The following SFI1 variants were observed in gnomAD, a reference collection of about 807,000 sequenced individuals.
The protein encoded by SFI1 is SFI1 centrin binding protein.
A neutral mutation model predicts 207.5 loss-of-function variants in SFI1; 195 were observed. The ratio of observed to expected loss-of-function variants is 0.94; its 90% CI spans 0.84 to 1.06. The LOEUF is 1.06. Among genes scored for constraint, SFI1 ranks in the 50% least tolerant of loss-of-function variants. The pLI is 0.00. For missense variants in SFI1, 1,634 were observed against 1,588.0 expected, an observed-to-expected ratio of 1.03 and a Z score of -0.49; for synonymous variants, 630 against 598.9, an observed-to-expected ratio of 1.05 and a Z score of -0.76.
intron 14 of SFI1, 151 bp from the exon 15 acceptor site, chr22:31,589,296 C>A: frequency 2.5e-6 from 2 of 806,848 alleles, no homozygotes; most frequent in Non-Finnish European, 3.6e-6. Context: ...CATTTTTCAC[C>A]TAGCATATTG....
At chr22:31,579,557 C>T (rs547846652) in intron 11 of SFI1, among the ~76,000 whole-genome samples, 6 of 152,218 alleles carry the variant, frequency 3.9e-5, no homozygotes, top group South Asian at 4.1e-4. Flanking sequence ...CCTCGTGATC[C>T]GCCCGCCTCG....
intron 6 of SFI1, among the ~76,000 whole-genome samples, chr22:31,554,668 G>T (rs574511089): frequency 2.0e-5 from 3 of 149,156 alleles, no homozygotes; most frequent in East Asian, 2.0e-4. Context: ...GCAGAGTGGC[G>T]TGATCTCGGC....
chr22:31,530,969 C>G, intron 3 of SFI1, 89 bp from the exon 4 acceptor site: 4 of 1,101,844 alleles, frequency 3.6e-6, no homozygotes, highest in Non-Finnish European at 5.4e-6. Flanking sequence ...CTGCTGAGAC[C>G]TTAAAGGCTT....
At chr22:31,570,678 G>A (rs987670110) in intron 8 of SFI1, among the ~76,000 whole-genome samples, 4 of 152,120 alleles carry the variant, frequency 2.6e-5, no homozygotes, top group Admixed American at 2.6e-4. Flanking sequence ...GAGGCGGGAG[G>A]ATTGCTTGAG....
At position 31,572,271 on chromosome 22, in the gene SFI1, G is replaced by C. The variant is rs149689137; in HGVS notation, c.766-787G>C. ...GCTGAAGAAAAGATATGAAGTCTTT[G>C]TCTAAGTCGTCTTCAGATTAGGACA... On this transcript the variant is annotated intron_variant, in intron 8 of 32. Coordinates refer to ENST00000400288, the MANE Select transcript of SFI1 (RefSeq NM_001007467.3). 3.9e-3 allele frequency among the ~76,000 whole-genome samples: 595 copies of C among 152,272 alleles called. 2 individuals are homozygous for C. The highest frequency in any genetic ancestry group is 0.013 in the African/African-American group (549 of 41,564).
At chr22:31,562,682 G>A (rs2061840564) in intron 8 of SFI1, among the ~76,000 whole-genome samples, 1 of 151,850 alleles carries the variant, frequency 6.6e-6, no homozygotes, top group South Asian at 2.1e-4. Flanking sequence ...CACCCAGGCT[G>A]GAGTGGAGTG....
chr22:31,593,854 G>A (rs1206842315), intron 15 of SFI1, among the ~76,000 whole-genome samples: 2 of 148,086 alleles, frequency 1.4e-5, no homozygotes, highest in Non-Finnish European at 3.0e-5. Flanking sequence ...GCGTGGCGGC[G>A]CGTGCCTGCA....
At chr22:31,516,912 C>T (rs551223716) in intron 2 of SFI1, among the ~76,000 whole-genome samples, 1 of 152,166 alleles carries the variant, frequency 6.6e-6, no homozygotes, top group Non-Finnish European at 1.5e-5. Context: ...CGAGATTGCG[C>T]CATTGCACTC....
intron 4 of SFI1, among the ~76,000 whole-genome samples, chr22:31,542,888 C>T (rs2059694255): frequency 6.6e-6 from 1 of 151,790 alleles, no homozygotes; most frequent in Non-Finnish European, 1.5e-5. Flanking sequence ...TCTCAAACTC[C>T]TGAGCTCAAG....
At chr22:31,519,130 A>G (rs1403722587) in intron 2 of SFI1, among the ~76,000 whole-genome samples, 1 of 152,206 alleles carries the variant, frequency 6.6e-6, no homozygotes, top group African/African-American at 2.4e-5. Flanking sequence ...ATATCAATAT[A>G]TGAAATACAA....
intron 8 of SFI1, among the ~76,000 whole-genome samples, chr22:31,571,078 G>A (rs1159149520): frequency 1.3e-5 from 2 of 152,206 alleles, no homozygotes; most frequent in Non-Finnish European, 2.9e-5. Context: ...CTCTTTTGAG[G>A]AGCTTGAAAC....
In SFI1 at chr22:31,618,178, G is replaced by T; in HGVS notation, c.3576G>T (p.Gly1192=). 1.9e-6 allele frequency: 3 copies of T among 1,595,532 alleles called. No homozygotes were observed. Among genetic ancestry groups the T allele is most frequent in the Non-Finnish European group, 2.6e-6 (3 of 1,173,060 alleles). The change falls in exon 32 of 33, where the codon GGG becomes GGT. Residue 1192 remains glycine, a synonymous_variant. Coordinates refer to ENST00000400288, the MANE Select transcript of SFI1 (RefSeq NM_001007467.3). The stretch of plus-strand genomic sequence containing the variant: ...TGGAGCTGAACAGAGAGGAGCCGGG[G>T]CCTGAGGACCAGGAAGTAGAGCAGC... ...RWLELNREEP[G]PEDQEVEQQV...
At chr22:31,568,400 T>TG (rs2062612823) in intron 8 of SFI1, among the ~76,000 whole-genome samples, 1 of 150,398 alleles carries the variant, frequency 6.6e-6, no homozygotes, top group African/African-American at 2.4e-5. Context: ...ATGGTGGTGG[T>TG]GGGCACCTGT....
At chr22:31,512,225 C>T (rs2055687864) in intron 2 of SFI1, among the ~76,000 whole-genome samples, 1 of 151,634 alleles carries the variant, frequency 6.6e-6, no homozygotes, top group Non-Finnish European at 1.5e-5. Flanking sequence ...TGTGGTGGCA[C>T]ATGTCTGTAA....
chr22:31,508,414 T>G (rs750294980), intron 2 of SFI1, 38 bp downstream of exon 2: 3 of 1,375,638 alleles, frequency 2.2e-6, no homozygotes, highest in Non-Finnish European at 3.1e-6. Context: ...ATAACTGGAA[T>G]GATGGTTCAT....
intron 12 of SFI1, among the ~76,000 whole-genome samples, chr22:31,581,544 G>A (rs533090710): frequency 6.6e-6 from 1 of 151,760 alleles, no homozygotes; most frequent in African/African-American, 2.4e-5. Flanking sequence ...CACCTGCCTC[G>A]GCCTCCTAAA....
At chr22:31,592,637 C>CA (rs2066193386) in intron 15 of SFI1, among the ~76,000 whole-genome samples, 1 of 66,770 alleles carries the variant, frequency 1.5e-5, no homozygotes, top group Non-Finnish European at 3.0e-5. Context: ...GAGGGCTGAC[C>CA]CCCCCACCTC....
intron 27 of SFI1, 77 bp from the exon 28 acceptor site, chr22:31,614,712 G>T: frequency 1.3e-6 from 2 of 1,494,404 alleles, no homozygotes; most frequent in South Asian, 1.1e-5. Context: ...CTATAAAATT[G>T]GAGATCCCAC....
In SFI1 at chr22:31,616,754, C is replaced by T; in HGVS notation, c.3310C>T (p.Gln1104Ter). The T allele has an allele frequency of 6.4e-7, 1 of 1,557,100 alleles. No individual in the cohort carries two copies. Among genetic ancestry groups the T allele is most frequent in the Non-Finnish European group, 8.7e-7 (1 of 1,155,342 alleles). ...CTTCTTTCCTTTGCAGGTGTCAGCA[C>T]AGCGGGCTACTCCTAGGGATAAGCC... ...GAAAPARVSA[Q>*]RATPRDKPPV... The change falls in exon 30 of 33, where the codon CAG becomes TAG. Residue 1104 changes from glutamine (Q) to a stop codon, truncating the protein, a stop_gained. Transcript: ENST00000400288. LOFTEE classifies it high-confidence loss of function.
Sources: gnomAD v4.1 joint callset for allele counts (sites outside exome capture counted in the v4.1 genomes callset) on GRCh38, gnomAD v4.1.1 for gene constraint, MANE v1.5 for transcripts, NCBI Gene and HGNC (gene_info 2026-07-23, HGNC 2026-07-21) for gene names.